The following ST6GALNAC5 variants were observed in gnomAD, a reference collection of about 807,000 sequenced individuals.
ST6GALNAC5 encodes ST6 N-acetylgalactosaminide alpha-2,6-sialyltransferase 5.
A neutral mutation model predicts 33.6 loss-of-function variants in ST6GALNAC5; 27 were observed. The ratio of observed to expected loss-of-function variants is 0.80; its 90% CI spans 0.59 to 1.11. ST6GALNAC5 has a LOEUF of 1.11. Among genes scored for constraint, ST6GALNAC5 ranks in the 50% least tolerant of loss-of-function variants. The probability of loss-of-function intolerance (pLI) is 0.00; values close to 1 mark genes in which losing one functional copy is unlikely to be tolerated. For missense variants in ST6GALNAC5, 428 were observed against 454.0 expected (o/e 0.94, Z 0.52); for synonymous variants, 194 against 171.2 (o/e 1.13, Z -1.04).
chr1:77,014,004 C>T (rs1011904741), intron 2 of ST6GALNAC5, among the ~76,000 whole-genome samples: 1 of 152,128 alleles, frequency 6.6e-6, no homozygotes, highest in Non-Finnish European at 1.5e-5. Context: ...TTCTTAGGAC[C>T]ATGTTTCCCT....
intron 2 of ST6GALNAC5, among the ~76,000 whole-genome samples, chr1:76,944,882 A>C (rs1477085340): frequency 6.6e-6 from 1 of 152,122 alleles, no homozygotes; most frequent in East Asian, 1.9e-4. Context: ...TGAGGGAAAA[A>C]AAAATGTGTT....
intron 2 of ST6GALNAC5, among the ~76,000 whole-genome samples, chr1:76,980,851 A>G (rs77426879): frequency 3.9e-4 from 60 of 152,340 alleles, no homozygotes; most frequent in Non-Finnish European, 7.9e-4. Context: ...CAAGCAACAT[A>G]AGAAAAAATA....
chr1:77,066,854 C>T lies in ST6GALNAC5; in HGVS notation c.*3648C>T, dbSNP rs934110859. On this transcript the variant is annotated 3_prime_UTR_variant, in exon 5 of 5. Coordinates refer to ENST00000477717, the MANE Select transcript of ST6GALNAC5 (RefSeq NM_030965.3). ...CTTTTGTCTACAGTGTGCTCCTAAACCAGCAGTCTTTGGTGCTGTTAAGGT... is the reference window on the plus strand; with the variant it reads ...CTTTTGTCTACAGTGTGCTCCTAAATCAGCAGTCTTTGGTGCTGTTAAGGT... Among the ~76,000 whole-genome samples, 16 of 152,176 alleles carry T rather than the reference C, an allele frequency of 1.1e-4. No individual in the cohort carries two copies. Among genetic ancestry groups the T allele is most frequent in the Admixed American group, 1.0e-3 (16 of 15,272 alleles).
intron 2 of ST6GALNAC5, among the ~76,000 whole-genome samples, chr1:76,892,325 A>G (rs1362565917): frequency 6.6e-6 from 1 of 152,224 alleles, no homozygotes; most frequent in Non-Finnish European, 1.5e-5. Flanking sequence ...TGCAATAAGC[A>G]GCAACACCTT....
chr1:77,007,531 A>G (rs1018038280), intron 2 of ST6GALNAC5, among the ~76,000 whole-genome samples: 2 of 152,206 alleles, frequency 1.3e-5, no homozygotes, highest in Non-Finnish European at 2.9e-5. Context: ...TCCCTAGCAC[A>G]TATTCAGGAG....
intron 2 of ST6GALNAC5, among the ~76,000 whole-genome samples, chr1:76,918,447 G>A (rs185176524): frequency 7.9e-5 from 12 of 151,804 alleles, no homozygotes; most frequent in African/African-American, 1.9e-4. Context: ...GTAAAACCCC[G>A]TCTCTAATAA....
chr1:77,056,090 C>A (rs562757303), intron 4 of ST6GALNAC5, among the ~76,000 whole-genome samples: 1 of 152,282 alleles, frequency 6.6e-6, no homozygotes, highest in South Asian at 2.1e-4. Flanking sequence ...CCCCATCCTG[C>A]CTGTATCACC....
At chr1:76,924,793 C>A (rs1306911486) in intron 2 of ST6GALNAC5, among the ~76,000 whole-genome samples, 1 of 152,074 alleles carries the variant, frequency 6.6e-6, no homozygotes, top group Non-Finnish European at 1.5e-5. Context: ...TCCTTTGCGT[C>A]CAAACATTCC....
chr1:76,888,808 T>C (rs1653953291), intron 2 of ST6GALNAC5, among the ~76,000 whole-genome samples: 1 of 151,060 alleles, frequency 6.6e-6, no homozygotes, highest in Non-Finnish European at 1.5e-5. Flanking sequence ...AAATCGTATA[T>C]ATTTATTGTG....
Position 76,868,959 on chromosome 1 carries a change from C to T in ST6GALNAC5, c.261+217C>T. On this transcript the variant is annotated intron_variant, in intron 2 of 4. Coordinates refer to ENST00000477717, the MANE Select transcript of ST6GALNAC5 (RefSeq NM_030965.3). This position sits in a 1 kb window ranked among gnomAD's most constrained non-coding sequence, Gnocchi z 4.3. ...TTTTGTAGAAAATAGGGGTGAGGTG[C>T]GTGGACCCCAAAGCCTAATTTCCCA... 1.4e-6 allele frequency: 1 copy of T among 706,108 alleles called. No homozygotes were observed. 43.7% of individuals were successfully genotyped at this position (706,108 alleles called of 1,614,324 possible).
chr1:76,971,749 G>GA (rs1268244749), intron 2 of ST6GALNAC5, among the ~76,000 whole-genome samples: 2 of 151,918 alleles, frequency 1.3e-5, no homozygotes, highest in African/African-American at 2.4e-5. Flanking sequence ...TACTGAAAGT[G>GA]AAAAAAAGGA....
chr1:76,998,682 C>T (rs1317597645), intron 2 of ST6GALNAC5, among the ~76,000 whole-genome samples: 1 of 151,970 alleles, frequency 6.6e-6, no homozygotes, highest in African/African-American at 2.4e-5. Flanking sequence ...TTAAAATTCC[C>T]CAGAGACTTC....
intron 2 of ST6GALNAC5, among the ~76,000 whole-genome samples, chr1:76,886,036 G>A (rs749885704): frequency 1.3e-5 from 2 of 152,140 alleles, no homozygotes; most frequent in South Asian, 2.1e-4. Context: ...GCAGCCTCAC[G>A]TTTGCCTTTA....
chr1:77,006,465 C>G (rs1212271898), intron 2 of ST6GALNAC5, among the ~76,000 whole-genome samples: 1 of 151,642 alleles, frequency 6.6e-6, no homozygotes, highest in African/African-American at 2.4e-5. Context: ...AGGCGCCAGC[C>G]ACCACGCCTG....
At chr1:76,960,388 A>C (rs1167277684) in intron 2 of ST6GALNAC5, among the ~76,000 whole-genome samples, 1 of 152,130 alleles carries the variant, frequency 6.6e-6, no homozygotes, top group African/African-American at 2.4e-5. Context: ...AAGGTAATAG[A>C]ATATCACAAG....
At chr1:76,960,562 G>A (rs1048569590) in intron 2 of ST6GALNAC5, among the ~76,000 whole-genome samples, 17 of 152,064 alleles carry the variant, frequency 1.1e-4, no homozygotes, top group African/African-American at 3.1e-4. Context: ...GAATTTCCTC[G>A]TCCTAATAAG....
chr1:76,878,259 C>T (rs1653693924), intron 2 of ST6GALNAC5, among the ~76,000 whole-genome samples: 1 of 152,184 alleles, frequency 6.6e-6, no homozygotes, highest in Admixed American at 6.5e-5. Context: ...CCTCACCCTA[C>T]CAGTCAGGGA....
At chr1:76,932,265 C>T (rs530850885) in intron 2 of ST6GALNAC5, among the ~76,000 whole-genome samples, 4 of 151,996 alleles carry the variant, frequency 2.6e-5, no homozygotes, top group African/African-American at 4.8e-5. Flanking sequence ...AAGTGAGGTC[C>T]GGGGGTTGAG....
chr1:77,026,231 A>G (rs1203742596), intron 2 of ST6GALNAC5, among the ~76,000 whole-genome samples: 1 of 152,186 alleles, frequency 6.6e-6, no homozygotes, highest in Non-Finnish European at 1.5e-5. Flanking sequence ...GATTAAGGAG[A>G]GAGTCCTGGC....
Sources: gnomAD v4.1 joint callset for allele counts (sites outside exome capture counted in the v4.1 genomes callset) on GRCh38, gnomAD v4.1.1 for gene constraint, Gnocchi (gnomAD v3.1) non-coding constraint, MANE v1.5 for transcripts, NCBI Gene and HGNC (gene_info 2026-07-23, HGNC 2026-07-21) for gene names.